CNTN5: variants seen among roughly 807,000 people sequenced by gnomAD.
CNTN5 encodes the protein contactin-5.
A neutral mutation model predicts 129.1 loss-of-function variants in CNTN5; 77 were observed. That is an observed-to-expected ratio of 0.60 (90% CI 0.50 to 0.72). CNTN5 has a LOEUF of 0.72. Among genes scored for constraint, CNTN5 ranks in the 30% least tolerant of loss-of-function variants. The pLI, the probability that CNTN5 is intolerant of heterozygous loss-of-function variation, is 0.00. For missense variants in CNTN5, 1,478 were observed against 1,328.8 expected (o/e 1.11, Z -1.75); for synonymous variants, 509 against 465.6 (o/e 1.09, Z -1.20).
At chr11:99,034,930 C>A (rs1193315291) in intron 1 of CNTN5, among the ~76,000 whole-genome samples, 1 of 151,004 alleles carries the variant, frequency 6.6e-6, no homozygotes, top group Non-Finnish European at 1.5e-5. Flanking sequence ...TCCCTGTACA[C>A]ACTGCTTTGA....
intron 1 of CNTN5, among the ~76,000 whole-genome samples, chr11:99,301,476 A>G (rs1395812637): frequency 6.6e-6 from 1 of 151,816 alleles, no homozygotes; most frequent in African/African-American, 2.4e-5. Context: ...TATAAGACAA[A>G]TATTGTTACT....
At chr11:99,497,981 A>G (rs1946289820) in intron 2 of CNTN5, among the ~76,000 whole-genome samples, 1 of 152,072 alleles carries the variant, frequency 6.6e-6, no homozygotes, top group African/African-American at 2.4e-5. Context: ...TCTAGAGTTG[A>G]TTTTGACCAG....
At chr11:100,199,998 C>T (rs1174832360) in intron 15 of CNTN5, among the ~76,000 whole-genome samples, 1 of 151,948 alleles carries the variant, frequency 6.6e-6, no homozygotes, top group Non-Finnish European at 1.5e-5. Flanking sequence ...TAATTAAATA[C>T]TGCATAAAAT....
At chr11:100,070,401 G>T (rs781222428) in intron 10 of CNTN5, 23 bp from the exon 11 acceptor site, 5 of 1,598,004 alleles carry the variant, frequency 3.1e-6, no homozygotes, top group Non-Finnish European at 4.3e-6. Flanking sequence ...AATCATCCTT[G>T]TTTACTGCTT....
intron 2 of CNTN5, among the ~76,000 whole-genome samples, chr11:99,367,120 A>T (rs1284548864): frequency 6.6e-6 from 1 of 152,206 alleles, no homozygotes; most frequent in Non-Finnish European, 1.5e-5. Context: ...ATACATTTTA[A>T]GGATTTAATC....
At chr11:99,082,165 T>C (rs1865828859) in intron 1 of CNTN5, among the ~76,000 whole-genome samples, 1 of 151,208 alleles carries the variant, frequency 6.6e-6, no homozygotes, top group South Asian at 2.1e-4. Flanking sequence ...CTAATCATTG[T>C]AACCGCCAGT....
intron 9 of CNTN5, among the ~76,000 whole-genome samples, chr11:100,056,361 A>G (rs544617953): frequency 1.3e-5 from 2 of 151,846 alleles, no homozygotes; most frequent in African/African-American, 4.8e-5. Context: ...ATAGCTTTTA[A>G]GTCAAAAATT....
At chr11:99,991,158 C>T (rs1045553089) in intron 8 of CNTN5, among the ~76,000 whole-genome samples, 8 of 152,110 alleles carry the variant, frequency 5.3e-5, no homozygotes, top group African/African-American at 7.2e-5. Flanking sequence ...GGCACAATGA[C>T]GTAACAGTCA....
intron 16 of CNTN5, among the ~76,000 whole-genome samples, chr11:100,234,654 G>T (rs1199827740): frequency 6.6e-6 from 1 of 151,300 alleles, no homozygotes; most frequent in African/African-American, 2.4e-5. Context: ...CAGGGTGGGG[G>T]TGGTTGGGGG....
intron 13 of CNTN5, among the ~76,000 whole-genome samples, chr11:100,108,443 A>G (rs1945531221): frequency 6.6e-6 from 1 of 152,152 alleles, no homozygotes; most frequent in East Asian, 1.9e-4. Context: ...GAAAGGGTCA[A>G]ATGGGAGAGA....
At chr11:99,818,865 T>C (rs978453049) in intron 3 of CNTN5, among the ~76,000 whole-genome samples, 5 of 152,136 alleles carry the variant, frequency 3.3e-5, no homozygotes, top group Non-Finnish European at 5.9e-5. Flanking sequence ...TTAATAGTAT[T>C]AATCTGTACA....
At chr11:99,038,273 G>GT (rs1031452228) in intron 1 of CNTN5, among the ~76,000 whole-genome samples, 3 of 151,956 alleles carry the variant, frequency 2.0e-5, no homozygotes, top group East Asian at 1.9e-4. Flanking sequence ...TATGATAAAA[G>GT]TTTTTTTACT....
intron 2 of CNTN5, among the ~76,000 whole-genome samples, chr11:99,443,850 C>A (rs182904471): frequency 6.6e-6 from 1 of 152,226 alleles, no homozygotes; most frequent in East Asian, 1.9e-4. Flanking sequence ...TGATTTGGAA[C>A]ACAAAGAAGC....
At chr11:99,130,535 T>A (rs1052927809) in intron 1 of CNTN5, among the ~76,000 whole-genome samples, 4 of 152,162 alleles carry the variant, frequency 2.6e-5, no homozygotes, top group African/African-American at 9.7e-5. Context: ...AATGCCCTAC[T>A]GTCAGTATGA....
At chr11:100,238,058 A>G (rs1440171342) in intron 16 of CNTN5, among the ~76,000 whole-genome samples, 1 of 152,172 alleles carries the variant, frequency 6.6e-6, no homozygotes, top group Non-Finnish European at 1.5e-5. Flanking sequence ...CAGGTTATTT[A>G]TGGGAGTGGA....
In CNTN5 at chr11:99,887,517, G is replaced by T. The variant is rs1228614440; in HGVS notation, c.578-28537G>T. Among the ~76,000 whole-genome samples, 3 of 152,148 alleles carry T rather than the reference G, an allele frequency of 2.0e-5. 1 individual carries two copies. Among genetic ancestry groups the T allele is most frequent in the Admixed American group, 2.0e-4 (3 of 15,274 alleles). On this transcript the variant is annotated intron_variant, in intron 6 of 24. Transcript: ENST00000524871. ...TATAGGATAGATGTATATATGAAGG[G>T]GAGTTTATTAAGGAGTATTGACTCA...
intron 3 of CNTN5, among the ~76,000 whole-genome samples, chr11:99,576,605 A>C (rs182543937): frequency 1.3e-5 from 2 of 152,290 alleles, no homozygotes; most frequent in Admixed American, 1.3e-4. Flanking sequence ...CTCTTAATCC[A>C]TTTGGGCTGC....
At chr11:99,037,495 G>T (rs180858465) in intron 1 of CNTN5, among the ~76,000 whole-genome samples, 21 of 150,226 alleles carry the variant, frequency 1.4e-4, no homozygotes, top group Admixed American at 1.1e-3. Context: ...ATCATTAGTT[G>T]TCCCATCTCT....
intron 13 of CNTN5, among the ~76,000 whole-genome samples, chr11:100,168,509 CACA>C (rs1947719476): frequency 6.6e-6 from 1 of 151,942 alleles, no homozygotes; most frequent in South Asian, 2.1e-4. Flanking sequence ...GACTGGATAA[CACA>C]ACATCTATTT....
Sources: gnomAD v4.1 joint callset for allele counts (sites outside exome capture counted in the v4.1 genomes callset) on GRCh38, gnomAD v4.1.1 for gene constraint, MANE v1.5 for transcripts, NCBI Gene and HGNC (gene_info 2026-07-23, HGNC 2026-07-21) for gene names.